S100A13: variants seen among roughly 807,000 people sequenced by gnomAD.
S100A13 encodes the protein protein S100-A13.
A neutral mutation model predicts 8.2 loss-of-function variants in S100A13; 6 were observed. The observed-to-expected ratio is 0.73, with a 90% CI of 0.40 to 1.44. The LOEUF (loss-of-function observed/expected upper bound fraction) is 1.44, where lower values mean the gene tolerates loss of function less well. Ranked by LOEUF, S100A13 falls within the 40% of genes most tolerant of loss-of-function variation. The pLI, the probability that S100A13 is intolerant of heterozygous loss-of-function variation, is 0.02. For missense variants in S100A13, 114 were observed against 113.6 expected (o/e 1.00, Z -0.02); for synonymous variants, 39 against 45.9 (o/e 0.85, Z 0.61).
At chr1:153,630,741 C>G, upstream of S100A13, 2 of 1,542,590 alleles carry the variant, frequency 1.3e-6, no homozygotes, top group African/African-American at 1.4e-5. Flanking sequence ...GCTATCTCCC[C>G]ACCCCACCTC....
upstream of S100A13, chr1:153,632,034 C>A: frequency 1.6e-6 from 1 of 625,262 alleles, no homozygotes; most frequent in African/African-American, 1.9e-5. Context: ...TCTCTCTCAC[C>A]AGCCATCCGA....
upstream of S100A13, among the ~76,000 whole-genome samples, chr1:153,633,335 G>T (rs1402780455): frequency 6.6e-6 from 1 of 152,094 alleles, no homozygotes; most frequent in Non-Finnish European, 1.5e-5. Flanking sequence ...GGACAACAGA[G>T]CCAGACCCCG....
upstream of S100A13, chr1:153,631,075 T>C (rs1667984682): frequency 3.4e-6 from 1 of 292,200 alleles, no homozygotes; most frequent in Non-Finnish European, 6.4e-6. Flanking sequence ...CATTGGAAGA[T>C]TATCTGGGTA....
upstream of S100A13, chr1:153,628,056 CCT>C (rs1307701915): frequency 6.5e-7 from 1 of 1,550,250 alleles, no homozygotes; most frequent in African/African-American, 1.4e-5. Flanking sequence ...CACTGAGGGT[CCT>C]CTCAGTGAGG....
intron 2 of S100A13, among the ~76,000 whole-genome samples, chr1:153,620,141 G>T (rs1358637046): frequency 6.6e-6 from 1 of 152,038 alleles, no homozygotes; most frequent in Non-Finnish European, 1.5e-5. Flanking sequence ...ACAAAAATTA[G>T]CCAGATATGG....
intron 1 of S100A13, chr1:153,627,229 G>A (rs1267345386): frequency 6.6e-6 from 1 of 152,352 alleles, no homozygotes; most frequent in Non-Finnish European, 1.5e-5. Flanking sequence ...GTCCTGGAAC[G>A]GGGCGTCTCT....
upstream of S100A13, chr1:153,628,809 C>T (rs753496418): frequency 2.6e-6 from 1 of 385,224 alleles, no homozygotes; most frequent in Non-Finnish European, 4.7e-6. Context: ...GCCAAGGCCC[C>T]CTCTGTCTCC....
chr1:153,630,423 A>T (rs1057337714), upstream of S100A13: 3 of 1,500,440 alleles, frequency 2.0e-6, no homozygotes, highest in South Asian at 1.3e-5. Flanking sequence ...GCTGTCAGCC[A>T]GGGCCAGTCC....
chr1:153,625,406 G>C (rs1169459255), intron 2 of S100A13, among the ~76,000 whole-genome samples: 1 of 152,206 alleles, frequency 6.6e-6, no homozygotes, highest in Non-Finnish European at 1.5e-5. Context: ...GCCTCTTCGA[G>C]GCCAGAGTCG....
upstream of S100A13, chr1:153,631,437 C>T: frequency 6.5e-7 from 1 of 1,547,516 alleles, no homozygotes; most frequent in South Asian, 1.2e-5. Context: ...GCTTGTAAAG[C>T]TCCTAGTGTA....
upstream of S100A13, chr1:153,631,314 T>G: frequency 1.3e-6 from 1 of 752,056 alleles, no homozygotes; most frequent in South Asian, 1.9e-5. Context: ...ACTTTCTAGC[T>G]GTGGGACTTT....
chr1:153,634,169 C>G (rs1668209172), upstream of S100A13: 1 of 152,824 alleles, frequency 6.5e-6, no homozygotes, highest in Non-Finnish European at 1.5e-5. Context: ...GCCGACTAGA[C>G]AGCCAACCAG....
chr1:153,618,953 A>T lies in S100A13; in HGVS notation c.239T>A (p.Ile80Asn). The change falls in exon 3 of 3, where the codon ATT becomes AAT. Residue 80 changes from isoleucine (I) to asparagine (N), a missense_variant. Transcript: ENST00000476133. ...ELKFNEYWRL[I>N]GELAKEIRKK... ...CCTGATTTCCTTGGCCAGCTCCCCA[A>T]TCAATCTCCAGTACTCATTGAACTT... 1 of 1,613,974 alleles carries T rather than the reference A, an allele frequency of 6.2e-7. No individual in the cohort carries two copies.
At chr1:153,632,046 G>C, upstream of S100A13, 1 of 585,394 alleles carries the variant, frequency 1.7e-6, no homozygotes. Flanking sequence ...GCCATCCGAT[G>C]TCTGTCTCCT....
At chr1:153,634,012 A>T (rs1367376437), upstream of S100A13, 1 of 152,432 alleles carries the variant, frequency 6.6e-6, no homozygotes, top group Non-Finnish European at 1.5e-5. Context: ...CGCGGATCTG[A>T]CGCCTGACGT....
In S100A13 at chr1:153,619,050, C is replaced by T. The variant is rs201293562; in HGVS notation, c.154-12G>A. 1,747 of 1,611,428 alleles carry T rather than the reference C, an allele frequency of 1.1e-3. 1 individual carries two copies. The highest frequency in any genetic ancestry group is 1.3e-3 in the Non-Finnish European group (1,584 of 1,178,540). ...AGAGAGCCCACATCCTGAGGAGACA[C>T]CAAAGGGAAGGGTAGAGTTAGAAAC... On this transcript the variant is annotated splice_polypyrimidine_tract_variant and intron_variant, in intron 2 of 2. Coordinates refer to ENST00000476133, the MANE Select transcript of S100A13 (RefSeq NM_001024211.2).
intron 1 of S100A13, 27 bp from the exon 2 acceptor site, chr1:153,626,560 G>T: frequency 7.5e-7 from 1 of 1,335,106 alleles, no homozygotes. Flanking sequence ...GAGCAGAGAG[G>T]GAGAGTCAGG....
upstream of S100A13, chr1:153,630,567 T>C (rs368396624): frequency 1.2e-5 from 19 of 1,614,132 alleles, no homozygotes; most frequent in African/African-American, 2.5e-4. Flanking sequence ...CATCAACGTG[T>C]TCCACGCCCA....
upstream of S100A13, chr1:153,631,846 A>C (rs1204568047): frequency 1.2e-6 from 2 of 1,613,300 alleles, no homozygotes; most frequent in African/African-American, 1.3e-5. Context: ...AGTTGAGCAG[A>C]CAGCCACATT....
Sources: allele counts gnomAD v4.1 joint callset (sites outside exome capture counted in the v4.1 genomes callset), GRCh38; gene constraint gnomAD v4.1.1; transcripts MANE v1.5; gene names NCBI Gene and HGNC (gene_info 2026-07-23, HGNC 2026-07-21).